FKBP5: variants seen among roughly 807,000 people sequenced by gnomAD.
FKBP5 encodes FKBP prolyl isomerase 5.
A neutral mutation model predicts 50.5 loss-of-function variants in FKBP5; 23 were observed. The observed-to-expected ratio is 0.46, with a 90% CI of 0.33 to 0.65. The LOEUF (loss-of-function observed/expected upper bound fraction) is 0.65, where lower values mean the gene tolerates loss of function less well. Among genes scored for constraint, FKBP5 ranks in the 30% least tolerant of loss-of-function variants. FKBP5 has a pLI of 0.02. For synonymous variants in FKBP5, 176 were observed against 190.6 expected (o/e 0.92, Z 0.63); for missense variants, 411 against 553.1 (o/e 0.74, Z 2.58).
intron 5 of FKBP5, among the ~76,000 whole-genome samples, chr6:35,600,452 A>G (rs1375478462): frequency 2.0e-5 from 3 of 152,048 alleles, no homozygotes; most frequent in Admixed American, 6.6e-5. Context: ...GTAAAAATTG[A>G]TATTTCTAAG....
chr6:35,687,312 T>C (rs974333829), intron 1 of FKBP5, among the ~76,000 whole-genome samples: 2 of 152,200 alleles, frequency 1.3e-5, no homozygotes, highest in Non-Finnish European at 2.9e-5. Context: ...AGGGCCATAA[T>C]TGCAGACTGT....
At position 35,586,926 on chromosome 6, in the gene FKBP5, T is replaced by C. The variant is rs112426834; in HGVS notation, c.840+108A>G. The C allele has an allele frequency of 2.3e-4, 356 of 1,570,506 alleles. No individual in the cohort carries two copies. In the African/African-American group the frequency reaches 3.6e-3, roughly 16 times the overall value. ...CAGATTTATAAAAATTGCAGCTTAT[T>C]CTTACCAAGCAGTGTTGACAAAATT... On this transcript the variant is annotated intron_variant, in intron 8 of 10. Transcript: ENST00000357266.
In FKBP5 at chr6:35,722,902, A is replaced by G. The variant is rs537776660; in HGVS notation, c.-240-2354T>C. ...AGGTTTTGTGTCCCCAGTTTGTAGCACAATACTTGGCACACACACACAGTA... is the reference window on the plus strand; with the variant it reads ...AGGTTTTGTGTCCCCAGTTTGTAGCGCAATACTTGGCACACACACACAGTA... On this transcript the variant is annotated intron_variant, in intron 1 of 11. Coordinates refer to the FKBP5 transcript ENST00000536438. Among the ~76,000 whole-genome samples the G allele has an allele frequency of 3.3e-5, 5 of 152,340 alleles. No homozygotes were observed. In the South Asian group the frequency reaches 8.3e-4, roughly 25 times the overall value.
At chr6:35,649,080 T>C (rs551961977) in intron 1 of FKBP5, among the ~76,000 whole-genome samples, 15 of 152,142 alleles carry the variant, frequency 9.9e-5, no homozygotes, top group African/African-American at 3.6e-4. Context: ...TGAAACCCTG[T>C]CTCTACTAAA....
chr6:35,632,159 T>A (rs1217599820), intron 3 of FKBP5, among the ~76,000 whole-genome samples: 3 of 152,122 alleles, frequency 2.0e-5, no homozygotes, highest in South Asian at 2.1e-4. Flanking sequence ...ATTCACAACC[T>A]CTAATATTTA....
At chr6:35,645,445 AAAG>A (rs1764603827) in intron 1 of FKBP5, among the ~76,000 whole-genome samples, 1 of 152,166 alleles carries the variant, frequency 6.6e-6, no homozygotes, top group Non-Finnish European at 1.5e-5. Context: ...AAAGATAAAA[AAAG>A]AGAGAGAAAG....
At chr6:35,697,077 G>A (rs1458063127) in intron 2 of FKBP5, among the ~76,000 whole-genome samples, 2 of 152,226 alleles carry the variant, frequency 1.3e-5, no homozygotes, top group African/African-American at 2.4e-5. Flanking sequence ...AATTCCACTC[G>A]TAGGTATTTA....
intron 1 of FKBP5, among the ~76,000 whole-genome samples, chr6:35,648,576 G>A (rs937949346): frequency 1.4e-4 from 21 of 152,014 alleles, no homozygotes; most frequent in Admixed American, 4.6e-4. Context: ...CACCACACCT[G>A]GCCTGATGGA....
At chr6:35,626,742 T>G (rs986006940) in intron 3 of FKBP5, among the ~76,000 whole-genome samples, 14 of 152,230 alleles carry the variant, frequency 9.2e-5, no homozygotes, top group African/African-American at 3.4e-4. Context: ...AGTACTTTTC[T>G]TTTTGTCACT....
At chr6:35,664,556 C>T (rs1432191643) in intron 1 of FKBP5, among the ~76,000 whole-genome samples, 1 of 152,148 alleles carries the variant, frequency 6.6e-6, no homozygotes, top group Admixed American at 6.5e-5. Flanking sequence ...GCTGCAGTAA[C>T]ATTTGTCTTT....
At chr6:35,679,781 G>A (rs1046575391) in intron 1 of FKBP5, among the ~76,000 whole-genome samples, 1 of 151,982 alleles carries the variant, frequency 6.6e-6, no homozygotes, top group Admixed American at 6.6e-5. Context: ...AGAGGGCAGG[G>A]GAAAGGAATA....
chr6:35,693,483 CT>C (rs967079212), upstream of FKBP5, among the ~76,000 whole-genome samples: 49 of 144,332 alleles, frequency 3.4e-4, 1 homozygote, highest in African/African-American at 1.3e-3. Flanking sequence ...CTCTTTAAGT[CT>C]AGAATTTCTA....
At chr6:35,627,103 A>AT (rs1764023961) in intron 3 of FKBP5, among the ~76,000 whole-genome samples, 1 of 152,200 alleles carries the variant, frequency 6.6e-6, no homozygotes, top group Admixed American at 6.5e-5. Flanking sequence ...CCAACAGCGC[A>AT]TAAGGGTTCC....
intron 1 of FKBP5, among the ~76,000 whole-genome samples, chr6:35,660,361 C>T (rs1193738264): frequency 1.3e-5 from 1 of 75,518 alleles, no homozygotes; most frequent in Non-Finnish European, 3.0e-5. Context: ...CCGTGCCTCC[C>T]AGGTTCAAGC....
chr6:35,628,524 C>T (rs530535345), intron 3 of FKBP5, among the ~76,000 whole-genome samples: 2 of 152,302 alleles, frequency 1.3e-5, no homozygotes, highest in Admixed American at 1.3e-4. Context: ...TCCTGCTTCA[C>T]CTTCCTTGAG....
chr6:35,697,367 G>A (rs968830338), intron 2 of FKBP5, among the ~76,000 whole-genome samples: 1 of 152,124 alleles, frequency 6.6e-6, no homozygotes, highest in Non-Finnish European at 1.5e-5. Context: ...GACCAACATG[G>A]AGAAACTCCA....
intron 5 of FKBP5, among the ~76,000 whole-genome samples, chr6:35,611,840 C>G (rs756547273): frequency 2.0e-5 from 3 of 152,146 alleles, no homozygotes; most frequent in Admixed American, 6.5e-5. Flanking sequence ...TAAATCCCAT[C>G]AAACTAACCT....
At chr6:35,582,752 C>A (rs1459556016) in intron 8 of FKBP5, 2 of 985,218 alleles carry the variant, frequency 2.0e-6, no homozygotes, top group African/African-American at 3.5e-5. Context: ...AGAATAAAGT[C>A]CTCACCAGTT....
rs993357054 is a variant in FKBP5 at position 35,582,824 on chromosome 6, C to T, written c.841-2603G>A. 7.1e-6 allele frequency: 7 copies of T among 984,896 alleles called. No individual in the cohort carries two copies. In the African/African-American group the frequency reaches 1.2e-4, roughly 17 times the overall value. The allele number at this position is 984,896 out of a possible 1,614,324, so 61.0% of individuals were successfully genotyped here. A position where few individuals can be genotyped will look rare whatever the true frequency, so the allele number is the denominator to read the frequency against. On this transcript the variant is annotated intron_variant, in intron 8 of 10. Coordinates refer to ENST00000357266, the MANE Select transcript of FKBP5 (RefSeq NM_004117.4). Reference sequence around the variant, plus strand: ...CTTGCTGGTCTTTGAGGACAGGCAGCATTGTCCTCTCCCTTTTGGAATATT... The same window carrying T: ...CTTGCTGGTCTTTGAGGACAGGCAGTATTGTCCTCTCCCTTTTGGAATATT...
Sources: allele counts gnomAD v4.1 joint callset (sites outside exome capture counted in the v4.1 genomes callset), GRCh38; gene constraint gnomAD v4.1.1; transcripts MANE v1.5; gene names NCBI Gene and HGNC (gene_info 2026-07-23, HGNC 2026-07-21).